ASTN2: variants seen among roughly 807,000 people sequenced by gnomAD.
ASTN2 encodes astrotactin 2.
A neutral mutation model predicts 139.8 loss-of-function variants in ASTN2; 54 were observed. The ratio of observed to expected loss-of-function variants is 0.39; its 90% CI spans 0.31 to 0.48. The LOEUF (loss-of-function observed/expected upper bound fraction) is 0.48. ASTN2 is among the 20% of genes least tolerant of loss of function. The pLI is 0.95. For missense variants in ASTN2, 1,565 were observed against 1,725.1 expected, an observed-to-expected ratio of 0.91 and a Z score of 1.64; for synonymous variants, 756 against 719.5, an observed-to-expected ratio of 1.05 and a Z score of -0.81.
In ASTN2 at chr9:116,699,512, C is replaced by T. The variant is rs776504480; in HGVS notation, c.2806+26259G>A. The T allele has an allele frequency of 3.1e-6, 5 of 1,614,044 alleles. No individual in the cohort carries two copies. The highest frequency in any genetic ancestry group is 1.7e-5 in the Admixed American group (1 of 60,000). ...GTGTGGATGCTCGTGGTGATCTCAT[C>T]GTGGCTGACAGTAGTCGCAAGGAAA... On this transcript the variant is annotated intron_variant, in intron 16 of 22. Transcript: ENST00000313400. The surrounding 1 kb of genome is among the most constrained non-coding windows in gnomAD (Gnocchi z 4.2).
chr9:116,564,528 C>A, intron 19 of ASTN2, among the ~76,000 whole-genome samples: 1 of 152,200 alleles, frequency 6.6e-6, no homozygotes, highest in Non-Finnish European at 1.5e-5. Context: ...TCGTTACTTG[C>A]AGTATCAAGT....
intron 17 of ASTN2, among the ~76,000 whole-genome samples, chr9:116,624,440 A>G (rs1165412870): frequency 6.6e-6 from 1 of 152,200 alleles, no homozygotes; most frequent in East Asian, 1.9e-4. Flanking sequence ...ACACACAAAC[A>G]ATTACAATTA....
chr9:116,759,947 G>C (rs778711788), intron 13 of ASTN2, among the ~76,000 whole-genome samples: 1 of 152,120 alleles, frequency 6.6e-6, no homozygotes, highest in Non-Finnish European at 1.5e-5. Context: ...TTAAATATCC[G>C]TTTAATGTCA....
intron 10 of ASTN2, among the ~76,000 whole-genome samples, chr9:116,891,516 A>G (rs1003463853): frequency 7.2e-5 from 11 of 152,200 alleles, no homozygotes; most frequent in African/African-American, 2.4e-4. Flanking sequence ...CGTTACCCCC[A>G]CTTTATAGAT....
chr9:116,676,548 T>G (rs1351934877), intron 16 of ASTN2, among the ~76,000 whole-genome samples: 1 of 152,220 alleles, frequency 6.6e-6, no homozygotes, highest in Non-Finnish European at 1.5e-5. Flanking sequence ...GAGCTCAACC[T>G]TGTGACCATA....
intron 2 of ASTN2, among the ~76,000 whole-genome samples, chr9:117,274,690 T>TGA (rs1834144825): frequency 2.6e-5 from 4 of 152,210 alleles, no homozygotes; most frequent in Admixed American, 6.5e-5. Context: ...AGAACTTCTT[T>TGA]CAAGTTATCT....
intron 19 of ASTN2, among the ~76,000 whole-genome samples, chr9:116,510,370 C>CTGTT (rs528161943): frequency 0.013 from 1,985 of 151,708 alleles, 38 homozygotes; most frequent in African/African-American, 0.045. Context: ...GTCTATATCT[C>CTGTT]TGGGTACAAG....
intron 19 of ASTN2, among the ~76,000 whole-genome samples, chr9:116,603,466 T>C (rs578214160): frequency 6.6e-6 from 1 of 152,218 alleles, no homozygotes; most frequent in Admixed American, 6.5e-5. Flanking sequence ...GATGAGCAGA[T>C]CAAAGAAGTG....
intron 7 of ASTN2, among the ~76,000 whole-genome samples, chr9:116,986,390 T>C (rs1454643002): frequency 6.6e-6 from 1 of 152,098 alleles, no homozygotes; most frequent in African/African-American, 2.4e-5. Flanking sequence ...ATCCATCCTA[T>C]TTTTTCTACC....
At chr9:117,404,015 C>G in intron 1 of ASTN2, among the ~76,000 whole-genome samples, 2 of 152,090 alleles carry the variant, frequency 1.3e-5, no homozygotes, top group East Asian at 3.9e-4. Flanking sequence ...TGATTCATAC[C>G]TCCACCTCCT....
chr9:116,817,301 A>G (rs1831358891), intron 12 of ASTN2, among the ~76,000 whole-genome samples: 1 of 123,006 alleles, frequency 8.1e-6, no homozygotes, highest in Non-Finnish European at 1.7e-5. Flanking sequence ...CTCAAAAAAA[A>G]AAAAAGAAGA....
chr9:117,103,274 C>T (rs1677488898), intron 4 of ASTN2, among the ~76,000 whole-genome samples: 1 of 152,146 alleles, frequency 6.6e-6, no homozygotes, highest in South Asian at 2.1e-4. Context: ...TTTAGATATT[C>T]TTGGCATACC....
chr9:117,057,108 A>G (rs1839085814), intron 5 of ASTN2, among the ~76,000 whole-genome samples: 1 of 152,176 alleles, frequency 6.6e-6, no homozygotes, highest in Non-Finnish European at 1.5e-5. Context: ...GCCTTTTAGT[A>G]TATTGCTTAA....
At chr9:117,107,250 CT>C (rs1829130626) in intron 4 of ASTN2, among the ~76,000 whole-genome samples, 1 of 152,100 alleles carries the variant, frequency 6.6e-6, no homozygotes, top group South Asian at 2.1e-4. Flanking sequence ...CAGTTTTTCA[CT>C]ATTTTATCAC....
At chr9:117,218,034 T>C (rs1832384763) in intron 2 of ASTN2, among the ~76,000 whole-genome samples, 1 of 152,234 alleles carries the variant, frequency 6.6e-6, no homozygotes, top group South Asian at 2.1e-4. Flanking sequence ...AGCTCCAGCA[T>C]GACTTTAAAA....
chr9:117,396,899 A>G (rs1471220772), intron 1 of ASTN2, among the ~76,000 whole-genome samples: 1 of 150,926 alleles, frequency 6.6e-6, no homozygotes, highest in Admixed American at 6.6e-5. Flanking sequence ...ATGCAATGTG[A>G]AAAAAGCACA....
intron 2 of ASTN2, among the ~76,000 whole-genome samples, chr9:117,245,034 T>C (rs1023192874): frequency 6.6e-6 from 1 of 151,828 alleles, no homozygotes; most frequent in Non-Finnish European, 1.5e-5. Flanking sequence ...GCAGCAGACA[T>C]ATCATGATAC....
At chr9:116,737,649 A>G (rs1042296339) in intron 13 of ASTN2, among the ~76,000 whole-genome samples, 5 of 70,216 alleles carry the variant, frequency 7.1e-5, no homozygotes, top group South Asian at 6.6e-4. Flanking sequence ...GTGTGTGTGT[A>G]GTAAAAGCTG....
intron 11 of ASTN2, among the ~76,000 whole-genome samples, chr9:116,854,908 T>A (rs1477440685): frequency 1.3e-5 from 2 of 151,880 alleles, no homozygotes; most frequent in Non-Finnish European, 2.9e-5. Flanking sequence ...TACCTCGGCC[T>A]CCCAAAGTGC....
Sources: gnomAD v4.1 joint callset for allele counts (sites outside exome capture counted in the v4.1 genomes callset) on GRCh38, gnomAD v4.1.1 for gene constraint, Gnocchi (gnomAD v3.1) non-coding constraint, MANE v1.5 for transcripts, NCBI Gene and HGNC (gene_info 2026-07-23, HGNC 2026-07-21) for gene names.